SMAD4: variants seen among roughly 807,000 people sequenced by gnomAD.
SMAD4 encodes MAD homolog 4.
A neutral mutation model predicts 63.2 loss-of-function variants in SMAD4; 7 were observed. The ratio of observed to expected loss-of-function variants is 0.11; its 90% CI spans 0.06 to 0.21. The LOEUF is 0.21. Among genes scored for constraint, SMAD4 ranks in the 10% least tolerant of loss-of-function variants. SMAD4 has a pLI of 1.00. For synonymous variants in SMAD4, 215 were observed against 235.4 expected (o/e 0.91, Z 0.79); for missense variants, 312 against 693.8 (o/e 0.45, Z 6.18).
intron 1 of SMAD4, among the ~76,000 whole-genome samples, chr18:51,045,383 A>C (rs541818084): frequency 6.6e-6 from 1 of 152,322 alleles, no homozygotes; most frequent in African/African-American, 2.4e-5. Flanking sequence ...TCAGTGAACA[A>C]ATAAAATACA....
Position 51,076,547 on chromosome 18 carries a change from G to A in SMAD4, c.1309-91G>A, listed in dbSNP as rs1378881528. The A allele has an allele frequency of 4.4e-6, 5 of 1,127,118 alleles. No homozygotes were observed. The African/African-American group carries it at 7.8e-5, about 18-fold the overall frequency. 69.8% of individuals were successfully genotyped at this position (1,127,118 alleles called of 1,614,324 possible). On this transcript the variant is annotated intron_variant, in intron 10 of 11. Transcript: ENST00000342988. ...ATTCTTTTCATGTGAGAGGTATAAT[G>A]AAACTGAGTTTTAAATAAGTCAGGC...
At chr18:51,059,209 C>T (rs1349685818) in intron 7 of SMAD4, among the ~76,000 whole-genome samples, 1 of 152,102 alleles carries the variant, frequency 6.6e-6, no homozygotes, top group Non-Finnish European at 1.5e-5. Flanking sequence ...AGTTATGTTA[C>T]TATTTTTTCC....
chr18:51,034,532 T>C (rs1224783878), intron 1 of SMAD4, among the ~76,000 whole-genome samples: 1 of 152,204 alleles, frequency 6.6e-6, no homozygotes, highest in Admixed American at 6.5e-5. Context: ...ATTATAGGCA[T>C]GAGCCACCGC....
chr18:51,042,904 T>C (rs1303633008), intron 1 of SMAD4, among the ~76,000 whole-genome samples: 2 of 152,236 alleles, frequency 1.3e-5, no homozygotes, highest in African/African-American at 4.8e-5. Context: ...GCAGTGCCAT[T>C]GTGCTATTTG....
Position 51,084,248 on chromosome 18 carries a change from G to C in SMAD4, c.*5781G>C. ...TTCAGTGAAAATGGATTGAAAACCT[G>C]TTGTTAATGCTTAGTGATATTATGC... On this transcript the variant is annotated 3_prime_UTR_variant, in exon 12 of 12. Transcript: ENST00000342988. The C allele has an allele frequency of 4.4e-6, 1 of 229,532 alleles. No individual in the cohort carries two copies. The highest frequency in any genetic ancestry group is 8.6e-6 in the Non-Finnish European group (1 of 115,744). The allele number at this position is 229,532 out of a possible 1,614,324, so 14.2% of individuals were successfully genotyped here.
chr18:51,066,438 G>C (rs1910155609), intron 9 of SMAD4, among the ~76,000 whole-genome samples: 1 of 152,062 alleles, frequency 6.6e-6, no homozygotes, highest in African/African-American at 2.4e-5. Context: ...TATGATCTCG[G>C]CTTTTAAGGA....
chr18:51,049,173 A>G, intron 3 of SMAD4, 122 bp from the exon 4 acceptor site: 1 of 764,436 alleles, frequency 1.3e-6, no homozygotes, highest in South Asian at 1.6e-5. Flanking sequence ...CTACTTCTGA[A>G]TTGAAATGGT....
rs1910687972 is a variant in SMAD4 at position 51,084,074 on chromosome 18, CAT to C, written c.*5608_*5609del. On this transcript the variant is annotated 3_prime_UTR_variant, in exon 12 of 12. Transcript: ENST00000342988. ...AGAGTTTAAGGCTTTCGAGTCATGA[CAT>C]TCTAGCTTTTGAATTGCGTGCACAC... 4.3e-6 allele frequency: 1 copy of C among 230,076 alleles called. No homozygotes were observed. Among genetic ancestry groups the C allele is most frequent in the Admixed American group, 5.7e-5 (1 of 17,566 alleles). 14.3% of individuals were successfully genotyped at this position (230,076 alleles called of 1,614,324 possible). A position where few individuals can be genotyped will look rare whatever the true frequency, so the allele number is the denominator to read the frequency against.
intron 2 of SMAD4, 59 bp downstream of exon 2, chr18:51,047,354 C>A (rs918204189): frequency 6.7e-7 from 1 of 1,501,246 alleles, no homozygotes; most frequent in Non-Finnish European, 9.3e-7. Flanking sequence ...AAACTTGCTA[C>A]GTTTCCTTTC....
chr18:51,076,496 A>C, intron 10 of SMAD4, 142 bp from the exon 11 acceptor site: 1 of 715,146 alleles, frequency 1.4e-6, no homozygotes, highest in East Asian at 2.7e-5. Context: ...ATCACAATGT[A>C]CATAAAAGTT....
Position 51,049,276 on chromosome 18 carries a change from T to C in SMAD4, c.425-19T>C. On this transcript the variant is annotated intron_variant, in intron 3 of 11. Coordinates refer to ENST00000342988, the MANE Select transcript of SMAD4 (RefSeq NM_005359.6). Reference sequence around the variant, plus strand: ...GTAATGATTAATGTTTCATTTGTTTTCCCCTTTAAACAATTAAGATCTCTC... The same window carrying C: ...GTAATGATTAATGTTTCATTTGTTTCCCCCTTTAAACAATTAAGATCTCTC... 6.5e-7 allele frequency: 1 copy of C among 1,532,612 alleles called. No individual in the cohort carries two copies. Among genetic ancestry groups the C allele is most frequent in the Non-Finnish European group, 9.0e-7 (1 of 1,107,486 alleles). The allele number at this position is 1,532,612 out of a possible 1,614,324, so 94.9% of individuals were successfully genotyped here.
At position 51,084,008 on chromosome 18, in the gene SMAD4, GCGCGCACACACACACA is replaced by G. The variant is rs1910681230; in HGVS notation, c.*5543_*5558del. 7.6e-5 allele frequency: 5 copies of G among 65,532 alleles called. No homozygotes were observed. The highest frequency in any genetic ancestry group is 6.4e-4 in the South Asian group (1 of 1,558). The allele number at this position is 65,532 out of a possible 1,614,324, so 4.1% of individuals were successfully genotyped here. ...ACACTTAACGCGCGTGCGCACGCGC[GCGCGCACACACACACA>G]CACACACACACACACACACAGGTCA... On this transcript the variant is annotated 3_prime_UTR_variant, in exon 12 of 12. Transcript: ENST00000342988.
At chr18:51,051,892 C>T (rs1275043669) in intron 4 of SMAD4, among the ~76,000 whole-genome samples, 4 of 151,972 alleles carry the variant, frequency 2.6e-5, no homozygotes, top group South Asian at 4.1e-4. Context: ...CTGCAACCTC[C>T]GCCTCCCGAG....
intron 1 of SMAD4, among the ~76,000 whole-genome samples, chr18:51,031,990 C>A (rs1909065691): frequency 6.6e-6 from 1 of 151,912 alleles, no homozygotes; most frequent in Non-Finnish European, 1.5e-5. Flanking sequence ...TTTAAAAATA[C>A]GGTTTTTAAA....
chr18:51,050,583 C>T (rs1341604853), intron 4 of SMAD4, among the ~76,000 whole-genome samples: 1 of 150,080 alleles, frequency 6.7e-6, no homozygotes, highest in Admixed American at 6.7e-5. Flanking sequence ...GGTGTGAACC[C>T]GGGAGGCAGA....
chr18:51,069,089 A>G (rs1910247639), intron 10 of SMAD4, among the ~76,000 whole-genome samples: 1 of 152,108 alleles, frequency 6.6e-6, no homozygotes, highest in African/African-American at 2.4e-5. Context: ...TTTTTTCCAC[A>G]AGTAATTTCT....
rs773367516 is a variant in SMAD4, at chr18:51,078,340, C to T, written c.1532C>T (p.Pro511Leu). 3.1e-6 allele frequency: 5 copies of T among 1,614,026 alleles called. No individual in the cohort carries two copies. The highest frequency in any genetic ancestry group is 1.3e-5 in the African/African-American group (1 of 74,926). Residue 511 changes from proline to leucine, a missense_variant, in exon 12 of 12, where the codon CCG becomes CTG. Coordinates refer to ENST00000342988, the MANE Select transcript of SMAD4 (RefSeq NM_005359.6). ...LRMSFVKGWG[P>L]DYPRQSIKET... ...ATGAGTTTTGTGAAAGGCTGGGGAC[C>T]GGATTACCCAAGACAGAGCATCAAA...
intron 10 of SMAD4, among the ~76,000 whole-genome samples, chr18:51,069,855 C>G (rs562936244): frequency 1.3e-5 from 2 of 152,316 alleles, no homozygotes; most frequent in East Asian, 3.9e-4. Flanking sequence ...TCCAAGAAGT[C>G]AAATTCCTGT....
Position 51,081,439 on chromosome 18 carries a change from A to G in SMAD4, c.*2972A>G. On this transcript the variant is annotated 3_prime_UTR_variant, in exon 12 of 12. Transcript: ENST00000342988. ...TTTTTAATAGTTTACCGCCCCTGGTATACAAAGATAATGACAATAAATCAC... is the reference window on the plus strand; with the variant it reads ...TTTTTAATAGTTTACCGCCCCTGGTGTACAAAGATAATGACAATAAATCAC... The G allele has an allele frequency of 4.3e-6, 1 of 230,566 alleles. No homozygotes were observed. The highest frequency in any genetic ancestry group is 8.6e-6 in the Non-Finnish European group (1 of 116,456). The allele number at this position is 230,566 out of a possible 1,614,324, so 14.3% of individuals were successfully genotyped here.
Sources: allele counts gnomAD v4.1 joint callset (sites outside exome capture counted in the v4.1 genomes callset), GRCh38; gene constraint gnomAD v4.1.1; transcripts MANE v1.5; gene names NCBI Gene and HGNC (gene_info 2026-07-23, HGNC 2026-07-21).